The following RTTN variants were observed in gnomAD, a reference collection of about 807,000 sequenced individuals.
RTTN encodes rotatin.
Under a neutral mutation model 269.2 loss-of-function variants are expected in RTTN, and 182 were observed. That is an observed-to-expected ratio of 0.68 (90% CI 0.60 to 0.76). RTTN has a LOEUF of 0.76. Among genes scored for constraint, RTTN ranks in the 30% least tolerant of loss-of-function variants. The pLI is 0.00. For missense variants in RTTN, 2,545 were observed against 2,608.6 expected, an observed-to-expected ratio of 0.98 and a Z score of 0.53; for synonymous variants, 1,006 against 963.5, an observed-to-expected ratio of 1.04 and a Z score of -0.82.
At chr18:70,042,374 T>TC (rs1203515046) in intron 40 of RTTN, among the ~76,000 whole-genome samples, 3 of 134,206 alleles carry the variant, frequency 2.2e-5, no homozygotes, top group Non-Finnish European at 4.8e-5. Context: ...TTCTTTTTTT[T>TC]TTTTTTTTTT....
chr18:70,203,548 G>A (rs1026489944), intron 3 of RTTN, among the ~76,000 whole-genome samples: 4 of 152,032 alleles, frequency 2.6e-5, no homozygotes, highest in Non-Finnish European at 5.9e-5. Context: ...AGCCTGGAAG[G>A]GTTAATTACC....
In RTTN at chr18:70,150,029, GTCA is replaced by G; in HGVS notation, c.2111_2113del (p.Met704del). 6.2e-7 allele frequency: 1 copy of G among 1,613,446 alleles called. No individual in the cohort carries two copies. Among genetic ancestry groups the G allele is most frequent in the Non-Finnish European group, 8.5e-7 (1 of 1,179,494 alleles). The stretch of plus-strand genomic sequence containing the variant: ...AATAAACTTGTTCCAGGTCAATGCT[GTCA>G]TCATCAATCGTCCCTGAAGCAGGTA... On this transcript the variant is annotated inframe_deletion, in exon 16 of 49. Transcript: ENST00000640769.
At position 70,003,849 on chromosome 18, in the gene RTTN, G is replaced by T; in HGVS notation, c.*302C>A. ...TGTTTTATTAAATAACTGTTAAATAGGATTTTTACAAAATAAATGGCATAG... is the reference window on the plus strand; with the variant it reads ...TGTTTTATTAAATAACTGTTAAATATGATTTTTACAAAATAAATGGCATAG... On this transcript the variant is annotated 3_prime_UTR_variant, in exon 49 of 49. Coordinates refer to ENST00000640769, the MANE Select transcript of RTTN (RefSeq NM_173630.4). The T allele has an allele frequency of 4.7e-6, 1 of 211,752 alleles. No homozygotes were observed. The highest frequency in any genetic ancestry group is 9.3e-6 in the Non-Finnish European group (1 of 107,800). The allele number at this position is 211,752 out of a possible 1,614,324, so 13.1% of individuals were successfully genotyped here.
In RTTN at chr18:70,017,677, G is replaced by C; in HGVS notation, c.6154-3C>G. 6.2e-7 allele frequency: 1 copy of C among 1,604,666 alleles called. No homozygotes were observed. The highest frequency in any genetic ancestry group is 8.5e-7 in the Non-Finnish European group (1 of 1,175,278). On this transcript the variant is annotated splice_polypyrimidine_tract_variant and splice_region_variant and intron_variant, in intron 45 of 48. Coordinates refer to ENST00000640769, the MANE Select transcript of RTTN (RefSeq NM_173630.4). ...AGGAAGTTCTGTAAGAAGTTACTCT[G>C]TGGATAAATAGAGAGAATATTATTT...
At chr18:70,136,080 AATC>A (rs2060117017) in intron 21 of RTTN, among the ~76,000 whole-genome samples, 1 of 152,198 alleles carries the variant, frequency 6.6e-6, no homozygotes, top group Non-Finnish European at 1.5e-5. Context: ...AGGAAAAGAA[AATC>A]ATCCTTATGT....
chr18:70,097,884 C>T (rs1448388432), intron 28 of RTTN, among the ~76,000 whole-genome samples: 2 of 152,178 alleles, frequency 1.3e-5, no homozygotes, highest in Non-Finnish European at 2.9e-5. Flanking sequence ...AAAACAAAAG[C>T]ACTTCTGATA....
chr18:70,147,441 T>C (rs928992221), intron 17 of RTTN, among the ~76,000 whole-genome samples: 2 of 152,122 alleles, frequency 1.3e-5, no homozygotes, highest in African/African-American at 4.8e-5. Context: ...ATTGCTTAGG[T>C]TTGTGTAAGG....
Position 70,092,170 on chromosome 18 carries a change from A to G in RTTN, c.4083T>C (p.His1361=). The change falls in exon 30 of 49, where the codon CAT becomes CAC. Residue 1361 remains histidine, a synonymous_variant. Transcript: ENST00000640769. ...FLPLGSHSEE[H]IPTQQGLAWL... is the part of the protein sequence containing the mutation. ...AAGCCAATCCTTGTTGAGTAGGAATATGTTCTTCACTATGACTACCCAAAG... is the reference window on the plus strand; with the variant it reads ...AAGCCAATCCTTGTTGAGTAGGAATGTGTTCTTCACTATGACTACCCAAAG... 1 of 1,613,740 alleles carries G rather than the reference A, an allele frequency of 6.2e-7. No homozygotes were observed. Among genetic ancestry groups the G allele is most frequent in the East Asian group, 2.2e-5 (1 of 44,876 alleles).
chr18:70,142,685 T>C (rs1180986616), intron 18 of RTTN, among the ~76,000 whole-genome samples: 3 of 152,176 alleles, frequency 2.0e-5, no homozygotes, highest in Non-Finnish European at 4.4e-5. Flanking sequence ...TTTTTGACTT[T>C]TAATAATAGC....
intron 6 of RTTN, among the ~76,000 whole-genome samples, chr18:70,196,853 C>T (rs1179667845): frequency 6.6e-6 from 1 of 152,150 alleles, no homozygotes; most frequent in East Asian, 1.9e-4. Context: ...AAGACAACAA[C>T]ATTTAAATAG....
In RTTN at chr18:70,161,851, T is replaced by C. The variant is rs566939563; in HGVS notation, c.1929+4211A>G. On this transcript the variant is annotated intron_variant, in intron 14 of 48. Coordinates refer to ENST00000640769, the MANE Select transcript of RTTN (RefSeq NM_173630.4). The stretch of plus-strand genomic sequence containing the variant: ...TATTAAAAAGTAAAAGAATAACAGG[T>C]GTTGGCAAGGTTGGAGAGAAAAGGG... Among the ~76,000 whole-genome samples the C allele has an allele frequency of 3.9e-5, 6 of 152,114 alleles. No individual in the cohort carries two copies. The South Asian group carries it at 1.2e-3, about 32-fold the overall frequency.
chr18:70,144,212 T>C (rs1368150243), intron 18 of RTTN, among the ~76,000 whole-genome samples: 1 of 152,134 alleles, frequency 6.6e-6, no homozygotes, highest in Non-Finnish European at 1.5e-5. Flanking sequence ...TTAGCAACCT[T>C]ACAAAGGTAA....
chr18:70,060,209 C>G (rs2144897944), intron 35 of RTTN, among the ~76,000 whole-genome samples, 167 bp from the exon 36 acceptor site: 1 of 152,252 alleles, frequency 6.6e-6, no homozygotes, highest in East Asian at 1.9e-4. Flanking sequence ...TCAGGCTACC[C>G]CTACTACTCC....
chr18:70,026,124 C>T lies in RTTN; in HGVS notation c.5824-1276G>A, dbSNP rs1000315067. On this transcript the variant is annotated intron_variant, in intron 43 of 48. Coordinates refer to ENST00000640769, the MANE Select transcript of RTTN (RefSeq NM_173630.4). ...CTCACATTTAATCTTTAGCTCATTA[C>T]CGTTTATTTTCTGCCCTGATGATTC... Among the ~76,000 whole-genome samples, 3 of 152,158 alleles carry T rather than the reference C, an allele frequency of 2.0e-5. 1 individual carries two copies. The highest frequency in any genetic ancestry group is 2.0e-4 in the Admixed American group (3 of 15,270).
intron 36 of RTTN, 151 bp downstream of exon 36, chr18:70,059,699 T>C (rs373197436): frequency 2.1e-6 from 1 of 477,478 alleles, no homozygotes. Context: ...CCAAGACAAT[T>C]CTGGCAAAAG....
At chr18:70,147,366 G>C (rs910392097) in intron 17 of RTTN, among the ~76,000 whole-genome samples, 2 of 152,134 alleles carry the variant, frequency 1.3e-5, no homozygotes, top group African/African-American at 4.8e-5. Context: ...ATGCTGTACA[G>C]GTTTGTAGCC....
Position 70,051,398 on chromosome 18 carries a change from A to C in RTTN, c.5323+13T>G. ...AGCAGAAAGCCCCCAAGATTATGCA[A>C]GTATCTTCTTACCAATCGCCGCTGT... On this transcript the variant is annotated intron_variant, in intron 39 of 48. Coordinates refer to ENST00000640769, the MANE Select transcript of RTTN (RefSeq NM_173630.4). The C allele has an allele frequency of 6.3e-7, 1 of 1,595,296 alleles. No homozygotes were observed. Among genetic ancestry groups the C allele is most frequent in the African/African-American group, 1.4e-5 (1 of 73,976 alleles).
chr18:70,048,542 T>C (rs2057559053), intron 39 of RTTN, among the ~76,000 whole-genome samples: 1 of 152,230 alleles, frequency 6.6e-6, no homozygotes, highest in Admixed American at 6.5e-5. Flanking sequence ...TTTTGTTTAA[T>C]CAAAATTACA....
chr18:70,187,509 G>A (rs1467749230), intron 10 of RTTN, among the ~76,000 whole-genome samples: 1 of 151,986 alleles, frequency 6.6e-6, no homozygotes, highest in African/African-American at 2.4e-5. Context: ...TCCCAATAGT[G>A]AAAACAAACA....
Sources: gnomAD v4.1 joint callset for allele counts (sites outside exome capture counted in the v4.1 genomes callset) on GRCh38, gnomAD v4.1.1 for gene constraint, MANE v1.5 for transcripts, NCBI Gene and HGNC (gene_info 2026-07-23, HGNC 2026-07-21) for gene names.